MED21: variants seen among roughly 807,000 people sequenced by gnomAD.
The protein encoded by MED21 is mediator complex subunit 21.
Under a neutral mutation model 18.2 loss-of-function variants are expected in MED21, and 9 were observed. The ratio of observed to expected loss-of-function variants is 0.49; its 90% confidence interval spans 0.30 to 0.86. MED21 has a LOEUF of 0.86. Among genes scored for constraint, MED21 ranks in the 40% least tolerant of loss-of-function variants. MED21 has a pLI of 0.07. For synonymous variants in MED21, 73 were observed against 60.5 expected (o/e 1.21, Z -0.96); for missense variants, 150 against 170.9 (o/e 0.88, Z 0.68).
chr12:27,032,048 G>C (rs1941623069), downstream of MED21, among the ~76,000 whole-genome samples: 1 of 152,138 alleles, frequency 6.6e-6, no homozygotes, highest in Admixed American at 6.5e-5. Context: ...GATGTGTCTT[G>C]CATTCCCTGG....
chr12:27,022,849 C>T, intron 1 of MED21: 1 of 1,453,334 alleles, frequency 6.9e-7, no homozygotes, highest in Non-Finnish European at 9.1e-7. Flanking sequence ...CTTGAGGAGA[C>T]CGGGAAGATC....
chr12:27,030,532 A>C lies in MED21; in HGVS notation c.*2071A>C, dbSNP rs967749576. On this transcript the variant is annotated 3_prime_UTR_variant, in exon 4 of 4. Coordinates refer to ENST00000282892, the MANE Select transcript of MED21 (RefSeq NM_004264.5). ...CAGGTAACCCAGGAACGAGAAACAG[A>C]ATAAAACAATAGTAAACCTAAATTT... 4.3e-6 allele frequency: 1 copy of C among 234,498 alleles called. No individual in the cohort carries two copies. Among genetic ancestry groups the C allele is most frequent in the African/African-American group, 2.2e-5 (1 of 44,598 alleles). The allele number at this position is 234,498 out of a possible 1,614,324, so 14.5% of individuals were successfully genotyped here.
Position 27,022,909 on chromosome 12 carries a change from C to G in MED21, c.42+288C>G, listed in dbSNP as rs796490711. The G allele has an allele frequency of 2.1e-5, 28 of 1,329,388 alleles. No individual in the cohort carries two copies. In the African/African-American group the frequency reaches 3.6e-4, roughly 17 times the overall value. 82.3% of individuals were successfully genotyped at this position (1,329,388 alleles called of 1,614,324 possible). A position where few individuals can be genotyped will look rare whatever the true frequency, so the allele number is the denominator to read the frequency against. On this transcript the variant is annotated intron_variant, in intron 1 of 3. Coordinates refer to ENST00000282892, the MANE Select transcript of MED21 (RefSeq NM_004264.5). ...GGACTTGTGGGCTGCGCGGTCCTGT[C>G]GTGTTCCCTGAGGACAGTTTTATTT...
At chr12:27,024,205 A>G (rs1360122098) in intron 1 of MED21, among the ~76,000 whole-genome samples, 1 of 151,996 alleles carries the variant, frequency 6.6e-6, no homozygotes, top group Admixed American at 6.6e-5. Context: ...TATGTTTCTC[A>G]TTGTCTGATT....
In MED21 at chr12:27,022,609, C is replaced by T. The variant is rs760630126; in HGVS notation, c.30C>T (p.Asp10=). The stretch of plus-strand genomic sequence containing the variant: ...CGGATCGGCTCACGCAGCTTCAGGA[C>T]GCTGTGAATTCGGTGAGGAATTTCA... MADRLTQLQ[D]AVNSLADQFC... is the part of the protein sequence containing the mutation. Residue 10 remains aspartate, a synonymous_variant, in exon 1 of 4, where the codon GAC becomes GAT. Coordinates refer to ENST00000282892, the MANE Select transcript of MED21 (RefSeq NM_004264.5). The T allele has an allele frequency of 3.4e-5, 54 of 1,589,214 alleles. No individual in the cohort carries two copies. Among genetic ancestry groups the T allele is most frequent in the Non-Finnish European group, 4.5e-5 (52 of 1,163,192 alleles).
Position 27,027,459 on chromosome 12 carries a change from T to A in MED21, c.258+12T>A. The A allele has an allele frequency of 6.3e-7, 1 of 1,585,770 alleles. No individual in the cohort carries two copies. The highest frequency in any genetic ancestry group is 1.1e-5 in the South Asian group (1 of 88,716). The stretch of plus-strand genomic sequence containing the variant: ...CAGCTGCTTTACAGGTAAGCCTCTA[T>A]TCCTTTGAGAATTTTACCAGTAATA... On this transcript the variant is annotated intron_variant, in intron 3 of 3. Coordinates refer to ENST00000282892, the MANE Select transcript of MED21 (RefSeq NM_004264.5).
At chr12:27,037,419 G>C (rs1565482768) in intron 2 of MED21, 1 of 151,774 alleles carries the variant, frequency 6.6e-6, no homozygotes, top group Non-Finnish European at 1.5e-5. Context: ...TTTCCTAATT[G>C]AATACCCTTT....
At chr12:27,026,282 A>G in intron 1 of MED21, 138 bp from the exon 2 acceptor site, 5 of 534,806 alleles carry the variant, frequency 9.3e-6, no homozygotes, top group Non-Finnish European at 1.3e-5. Context: ...GGCTTATTTT[A>G]TCAACAATCA....
chr12:27,029,293 C>G lies in MED21; in HGVS notation c.*832C>G, dbSNP rs1452406991. ...ATTCTAGTCAGACCAGAACATACTT[C>G]CACTACATCAGTTACTTGGCATCAT... On this transcript the variant is annotated 3_prime_UTR_variant, in exon 4 of 4. Coordinates refer to ENST00000282892, the MANE Select transcript of MED21 (RefSeq NM_004264.5). 1 of 985,372 alleles carries G rather than the reference C, an allele frequency of 1.0e-6. No homozygotes were observed. Among genetic ancestry groups the G allele is most frequent in the Non-Finnish European group, 1.2e-6 (1 of 829,896 alleles). 61.0% of individuals were successfully genotyped at this position (985,372 alleles called of 1,614,324 possible). A position where few individuals can be genotyped will look rare whatever the true frequency, so the allele number is the denominator to read the frequency against.
At position 27,029,609 on chromosome 12, in the gene MED21, C is replaced by T. The variant is rs1429560790; in HGVS notation, c.*1148C>T. 1.4e-5 allele frequency: 14 copies of T among 985,278 alleles called. No individual in the cohort carries two copies. Among genetic ancestry groups the T allele is most frequent in the Admixed American group, 6.1e-5 (1 of 16,266 alleles). 61.0% of individuals were successfully genotyped at this position (985,278 alleles called of 1,614,324 possible). ...GTTGTAATCAAGCTTTTCCACAGTT[C>T]TTGAAAAGTACTATGTTTCAAATTT... On this transcript the variant is annotated 3_prime_UTR_variant, in exon 4 of 4. Coordinates refer to ENST00000282892, the MANE Select transcript of MED21 (RefSeq NM_004264.5).
rs1375269326 is a variant in MED21 at position 27,022,653 on chromosome 12, T to G, written c.42+32T>G. Reference sequence around the variant, plus strand: ...AATTTCATTCGATTAGCCTCTGTCTTTCTCTTTCTTGAGGTAAAGCAAGGG... The same window carrying G: ...AATTTCATTCGATTAGCCTCTGTCTGTCTCTTTCTTGAGGTAAAGCAAGGG... On this transcript the variant is annotated intron_variant, in intron 1 of 3. Coordinates refer to ENST00000282892, the MANE Select transcript of MED21 (RefSeq NM_004264.5). The G allele has an allele frequency of 1.9e-6, 3 of 1,610,590 alleles. No homozygotes were observed. In the African/African-American group the frequency reaches 4.0e-5, roughly 22 times the overall value.
chr12:27,036,651 A>C (rs1188217304), intron 2 of MED21, among the ~76,000 whole-genome samples: 1 of 152,206 alleles, frequency 6.6e-6, no homozygotes, highest in Non-Finnish European at 1.5e-5. Context: ...TCAGCTTTCT[A>C]CATATGGCTA....
intron 1 of MED21, among the ~76,000 whole-genome samples, chr12:27,026,207 C>T (rs931459409): frequency 2.6e-5 from 4 of 152,150 alleles, no homozygotes; most frequent in African/African-American, 9.7e-5. Context: ...TTAACTTTAC[C>T]TAGATTGATA....
At chr12:27,025,079 T>A (rs774378919) in intron 1 of MED21, among the ~76,000 whole-genome samples, 1 of 152,238 alleles carries the variant, frequency 6.6e-6, no homozygotes, top group Non-Finnish European at 1.5e-5. Flanking sequence ...ACTAAATGGA[T>A]CTTAAAAGCT....
chr12:27,027,938 A>C (rs932443914), intron 3 of MED21, among the ~76,000 whole-genome samples: 3 of 152,202 alleles, frequency 2.0e-5, no homozygotes, highest in Non-Finnish European at 4.4e-5. Flanking sequence ...TTTTGTTATA[A>C]TATTCAAATT....
At chr12:27,031,726 T>A (rs1161331587), downstream of MED21, among the ~76,000 whole-genome samples, 3 of 151,896 alleles carry the variant, frequency 2.0e-5, no homozygotes, top group East Asian at 5.8e-4. Flanking sequence ...CTACAAACAT[T>A]ACAGGAATAA....
intron 1 of MED21, among the ~76,000 whole-genome samples, chr12:27,024,227 T>G (rs1941514426): frequency 6.6e-6 from 1 of 152,228 alleles, no homozygotes; most frequent in African/African-American, 2.4e-5. Flanking sequence ...TGATTTAATG[T>G]CCTAGATAAG....
intron 1 of MED21, among the ~76,000 whole-genome samples, chr12:27,024,955 T>C (rs1443726599): frequency 3.9e-5 from 6 of 152,244 alleles, no homozygotes; most frequent in Non-Finnish European, 7.3e-5. Context: ...TTGTATAACT[T>C]TTAACATTTG....
intron 2 of MED21, chr12:27,038,221 C>T (rs1234445012): frequency 6.7e-6 from 1 of 148,302 alleles, no homozygotes; most frequent in Non-Finnish European, 1.5e-5. Context: ...ATAGGCTTCC[C>T]AAAAAACAAT....
Sources: gnomAD v4.1 joint callset for allele counts (sites outside exome capture counted in the v4.1 genomes callset) on GRCh38, gnomAD v4.1.1 for gene constraint, MANE v1.5 for transcripts, NCBI Gene and HGNC (gene_info 2026-07-23, HGNC 2026-07-21) for gene names.